Variants in MTAP observed in about 807,000 individuals in gnomAD.
The protein encoded by MTAP is S-methyl-5'-thioadenosine phosphorylase.
Under a neutral mutation model 33.6 loss-of-function variants are expected in MTAP, and 33 were observed. The observed-to-expected ratio is 0.98, with a 90% CI of 0.74 to 1.31. The LOEUF is 1.31. Among genes scored for constraint, MTAP ranks in the 40% most tolerant of loss-of-function variants. The probability of loss-of-function intolerance (pLI) is 0.00; values close to 1 mark genes in which losing one functional copy is unlikely to be tolerated. For synonymous variants in MTAP, 148 were observed against 125.7 expected, an observed-to-expected ratio of 1.18 and a Z score of -1.19; for missense variants, 367 against 360.0, an observed-to-expected ratio of 1.02 and a Z score of -0.16.
At chr9:21,847,984 A>G (rs1165279705) in intron 5 of MTAP, among the ~76,000 whole-genome samples, 3 of 152,196 alleles carry the variant, frequency 2.0e-5, no homozygotes, top group South Asian at 2.1e-4. Context: ...AGCTGGGGAC[A>G]CTGAGTTTGA....
chr9:21,929,522 T>C, intron 1 of MTAP: 2 of 312,944 alleles, frequency 6.4e-6, no homozygotes, highest in Non-Finnish European at 1.3e-5. Context: ...CCTGATTTCC[T>C]GTTATGAGAA....
At chr9:21,824,155 TC>T (rs1824723335) in intron 4 of MTAP, among the ~76,000 whole-genome samples, 1 of 152,252 alleles carries the variant, frequency 6.6e-6, no homozygotes, top group Admixed American at 6.5e-5. Context: ...GGAGCTGTGT[TC>T]CTTTGGAGGG....
At chr9:21,827,674 A>G (rs551922224) in intron 4 of MTAP, among the ~76,000 whole-genome samples, 2 of 152,220 alleles carry the variant, frequency 1.3e-5, no homozygotes, top group East Asian at 1.9e-4. Flanking sequence ...AGTTTGCACC[A>G]TATCACCAAC....
At chr9:21,812,963 T>C (rs1389736668) in intron 1 of MTAP, among the ~76,000 whole-genome samples, 1 of 152,230 alleles carries the variant, frequency 6.6e-6, no homozygotes, top group Non-Finnish European at 1.5e-5. Context: ...GCCCATCTTA[T>C]GGTCCTGATG....
At chr9:21,908,658 T>C (rs1818514550) in intron 1 of MTAP, among the ~76,000 whole-genome samples, 1 of 152,118 alleles carries the variant, frequency 6.6e-6, no homozygotes, top group South Asian at 2.1e-4. Context: ...TGACATTTTT[T>C]GTTGTTTTCC....
At chr9:21,868,645 C>G (rs1825890918), downstream of MTAP, among the ~76,000 whole-genome samples, 1 of 152,030 alleles carries the variant, frequency 6.6e-6, no homozygotes, top group African/African-American at 2.4e-5. Context: ...ACTTAAAACC[C>G]TTCATCAGCT....
At chr9:21,825,733 T>TAA (rs1430378209) in intron 4 of MTAP, among the ~76,000 whole-genome samples, 1 of 152,134 alleles carries the variant, frequency 6.6e-6, no homozygotes, top group African/African-American at 2.4e-5. Flanking sequence ...CCCAGATACT[T>TAA]AAGAGACTGA....
intron 3 of MTAP, among the ~76,000 whole-genome samples, chr9:21,817,495 A>C (rs2118050637): frequency 6.6e-6 from 1 of 152,030 alleles, no homozygotes; most frequent in South Asian, 2.1e-4. Context: ...CACTCCCTAG[A>C]AGTTACAGGG....
At chr9:21,867,630 C>A (rs1206879635), downstream of MTAP, among the ~76,000 whole-genome samples, 2 of 151,778 alleles carry the variant, frequency 1.3e-5, no homozygotes, top group African/African-American at 4.8e-5. Context: ...TCTTGTAAGT[C>A]TTGTCAGGTG....
intron 4 of MTAP, among the ~76,000 whole-genome samples, chr9:21,819,693 C>G (rs1824580896): frequency 1.3e-5 from 2 of 152,162 alleles, no homozygotes; most frequent in Non-Finnish European, 2.9e-5. Context: ...ATTTCTAGTT[C>G]TAGATCCATG....
intron 1 of MTAP, among the ~76,000 whole-genome samples, chr9:21,896,689 G>A (rs1417728816): frequency 6.6e-6 from 1 of 152,122 alleles, no homozygotes; most frequent in African/African-American, 2.4e-5. Context: ...CCAGGAAGAA[G>A]TTGAATCCCT....
intron 5 of MTAP, among the ~76,000 whole-genome samples, chr9:21,845,366 C>G (rs1045750667): frequency 3.3e-5 from 5 of 152,118 alleles, no homozygotes; most frequent in African/African-American, 9.7e-5. Context: ...ATCAATAGCA[C>G]TTTTATAGAC....
chr9:21,837,005 C>A lies in MTAP; in HGVS notation c.348-903C>A, dbSNP rs147803409. Among the ~76,000 whole-genome samples the A allele has an allele frequency of 1.8e-4, 27 of 152,318 alleles. No individual in the cohort carries two copies. The East Asian group carries it at 5.0e-3, about 28-fold the overall frequency. ...ACCCATCTCTCCCATGCTGTCCCCT[C>A]CTCCCTGTGTTACTCATCAGTTCAA... On this transcript the variant is annotated intron_variant, in intron 4 of 7. Transcript: ENST00000644715.
chr9:21,931,201 A>G (rs750345819), downstream of MTAP: 4 of 724,428 alleles, frequency 5.5e-6, no homozygotes, highest in Non-Finnish European at 1.0e-5. Flanking sequence ...GACAGCTAGC[A>G]AGAGGCCAAG....
chr9:21,853,510 T>A (rs1000445509), intron 5 of MTAP, among the ~76,000 whole-genome samples: 1 of 152,228 alleles, frequency 6.6e-6, no homozygotes, highest in African/African-American at 2.4e-5. Context: ...GTGTAAGTTA[T>A]TTTTTAAGGA....
chr9:21,911,373 T>C (rs1432012877), intron 1 of MTAP, among the ~76,000 whole-genome samples: 4 of 152,172 alleles, frequency 2.6e-5, no homozygotes, highest in Non-Finnish European at 5.9e-5. Context: ...GACCACATAG[T>C]TGGAAGTAAA....
rs907100974 is a variant in MTAP at position 21,862,950 on chromosome 9, A to C, written c.*936A>C. The C allele has an allele frequency of 1.0e-6, 1 of 982,492 alleles. No individual in the cohort carries two copies. Among genetic ancestry groups the C allele is most frequent in the South Asian group, 4.7e-5 (1 of 21,222 alleles). The allele number at this position is 982,492 out of a possible 1,614,324, so 60.9% of individuals were successfully genotyped here. The stretch of plus-strand genomic sequence containing the variant: ...AATAAAAGTGGATTTAGAAAGATCC[A>C]GTTCTTGAAAACACTGTTTCTGGTA... On this transcript the variant is annotated 3_prime_UTR_variant, in exon 8 of 8. Transcript: ENST00000644715.
intron 1 of MTAP, chr9:21,811,601 A>G: frequency 2.1e-6 from 1 of 474,214 alleles, no homozygotes; most frequent in South Asian, 1.6e-5. Context: ...CACCCTTTAC[A>G]CAGTAACAGA....
At chr9:21,856,943 ATTG>A (rs1391346341) in intron 6 of MTAP, among the ~76,000 whole-genome samples, 14 of 152,352 alleles carry the variant, frequency 9.2e-5, no homozygotes, top group Non-Finnish European at 1.8e-4. Flanking sequence ...TTGTTTAGTC[ATTG>A]TTTAGTCAGT....
Sources: allele counts gnomAD v4.1 joint callset (sites outside exome capture counted in the v4.1 genomes callset), GRCh38; gene constraint gnomAD v4.1.1; transcripts MANE v1.5; gene names NCBI Gene and HGNC (gene_info 2026-07-23, HGNC 2026-07-21).